Variants in FRG2C observed in about 807,000 individuals in gnomAD.
The protein encoded by FRG2C is FSHD region gene 2 family member C, also known as protein FRG2-like-2.
Under a neutral mutation model 14.1 loss-of-function variants are expected in FRG2C, and 8 were observed. That is an observed-to-expected ratio of 0.57 (90% CI 0.33 to 1.02). The LOEUF (loss-of-function observed/expected upper bound fraction) is 1.02, where lower values mean the gene tolerates loss of function less well. FRG2C is among the 50% of genes least tolerant of loss of function. The probability of loss-of-function intolerance (pLI) is 0.03; values close to 1 mark genes in which losing one functional copy is unlikely to be tolerated. For missense variants in FRG2C, 214 were observed against 334.2 expected, an observed-to-expected ratio of 0.64 and a Z score of 2.80; for synonymous variants, 92 against 127.4, an observed-to-expected ratio of 0.72 and a Z score of 1.87.
Position 75,664,365 on chromosome 3 carries a change from C to T in FRG2C, c.-15C>T. 6.2e-7 allele frequency: 1 copy of T among 1,612,140 alleles called. No individual in the cohort carries two copies. Among genetic ancestry groups the T allele is most frequent in the South Asian group, 1.1e-5 (1 of 90,998 alleles). On this transcript the variant is annotated 5_prime_UTR_variant, in exon 1 of 4. Transcript: ENST00000308062. ...TGGACATGTGAGAGAGCGCACCTTT[C>T]ACTTGAGCTTCAACATGGGAAAGGG... is the stretch of plus-strand genomic sequence containing the variant.
At position 75,665,705 on chromosome 3, in the gene FRG2C, AC is replaced by A. The variant is rs1937074523; in HGVS notation, c.514del (p.Leu172PhefsTer6). 1.2e-6 allele frequency: 2 copies of A among 1,614,090 alleles called. No homozygotes were observed. Among genetic ancestry groups the A allele is most frequent in the Non-Finnish European group, 1.7e-6 (2 of 1,179,888 alleles). ...SRALEVQTPS[L>X]RKSLVTSVRA... ...GGGCCCTAGAAGTCCAAACACCGTC[AC>A]TTCGAAAAAGCTTGGTGACCTCTGT... On this transcript the variant is annotated frameshift_variant, in exon 4 of 4. Transcript: ENST00000308062. LOFTEE classifies it low-confidence loss of function (END_TRUNC).
At position 75,666,005 on chromosome 3, in the gene FRG2C, C is replaced by T. The variant is rs1937089865; in HGVS notation, c.813C>T (p.Val271=). ...PFPGQEITEP[V]SGSDEAKLGA... is the part of the protein sequence containing the mutation. ...CTGGGCAGGAGATAACTGAGCCTGTCAGTGGATCAGATGAGGCTAAGCTGG... is the reference window on the plus strand; with the variant it reads ...CTGGGCAGGAGATAACTGAGCCTGTTAGTGGATCAGATGAGGCTAAGCTGG... Residue 271 remains valine (V), a synonymous_variant, in exon 4 of 4, where the codon GTC becomes GTT. Coordinates refer to ENST00000308062, the MANE Select transcript of FRG2C (RefSeq NM_001124759.5). 6 of 1,612,270 alleles carry T rather than the reference C, an allele frequency of 3.7e-6. No homozygotes were observed. The highest frequency in any genetic ancestry group is 4.2e-6 in the Non-Finnish European group (5 of 1,179,860).
At position 75,666,393 on chromosome 3, in the gene FRG2C, T is replaced by A. The variant is rs34062195; in HGVS notation, c.*352T>A. On this transcript the variant is annotated 3_prime_UTR_variant, in exon 4 of 4. Transcript: ENST00000308062. ...TAAATATAAAATTATATGCTCTTTT[T>A]TTTTTTGAGACAGTCTTGCTATGTC... 1 of 466,766 alleles carries A rather than the reference T, an allele frequency of 2.1e-6. No individual in the cohort carries two copies. Among genetic ancestry groups the A allele is most frequent in the Non-Finnish European group, 3.7e-6 (1 of 268,530 alleles). 28.9% of individuals were successfully genotyped at this position (466,766 alleles called of 1,614,324 possible). A position where few individuals can be genotyped will look rare whatever the true frequency, so the allele number is the denominator to read the frequency against.
chr3:75,665,450 C>G lies in FRG2C; in HGVS notation c.335-77C>G, dbSNP rs1264163392. The G allele has an allele frequency of 5.1e-6, 8 of 1,557,056 alleles. No homozygotes were observed. In the African/African-American group the frequency reaches 6.8e-5, roughly 13 times the overall value. ...AGTGGGAGAGACAAATGGGGTTCAC[C>G]TGGGTGCACAGGGGGTTCTGGAAAT... On this transcript the variant is annotated intron_variant, in intron 3 of 3. Coordinates refer to ENST00000308062, the MANE Select transcript of FRG2C (RefSeq NM_001124759.5).
At chr3:75,665,380 G>A (rs1200727195) in intron 3 of FRG2C, 147 bp from the exon 4 acceptor site, 14 of 1,442,810 alleles carry the variant, frequency 9.7e-6, no homozygotes, top group African/African-American at 1.4e-5. Flanking sequence ...GGACTCACAA[G>A]TGGTTCAGCC....
rs1575740171 is a variant in FRG2C, at chr3:75,665,181, G to A, written c.312G>A (p.Lys104=). ...ENCRKRKISS[K]DICQDRAGNC... ...GCAGGAAAAGAAAAATCAGTTCCAA[G>A]GATATCTGCCAAGACAGAGCAGGTA... The change falls in exon 3 of 4, where the codon AAG becomes AAA. Residue 104 remains lysine, a synonymous_variant. Coordinates refer to ENST00000308062, the MANE Select transcript of FRG2C (RefSeq NM_001124759.5). 2 of 1,614,050 alleles carry A rather than the reference G, an allele frequency of 1.2e-6. No homozygotes were observed. Among genetic ancestry groups the A allele is most frequent in the African/African-American group, 1.3e-5 (1 of 74,966 alleles).
In FRG2C at chr3:75,666,141, G is replaced by C. The variant is rs1937096679; in HGVS notation, c.*100G>C. The C allele has an allele frequency of 6.3e-7, 1 of 1,582,406 alleles. No individual in the cohort carries two copies. The highest frequency in any genetic ancestry group is 8.6e-7 in the Non-Finnish European group (1 of 1,167,360). ...GCAGTGACAATTTTAGATGCACTGT[G>C]TTAATAAATGACAGAACCTGAAGAA... On this transcript the variant is annotated 3_prime_UTR_variant, in exon 4 of 4. Coordinates refer to ENST00000308062, the MANE Select transcript of FRG2C (RefSeq NM_001124759.5).
At position 75,664,348 on chromosome 3, in the gene FRG2C, T is replaced by A; in HGVS notation, c.-32T>A. The A allele has an allele frequency of 6.2e-7, 1 of 1,612,120 alleles. No individual in the cohort carries two copies. The highest frequency in any genetic ancestry group is 8.5e-7 in the Non-Finnish European group (1 of 1,179,882). ...AACCCACACTCTGCCTTTGGACATG[T>A]GAGAGAGCGCACCTTTCACTTGAGC... On this transcript the variant is annotated 5_prime_UTR_variant, in exon 1 of 4. The change abolishes the stop of an existing upstream ORF in the 5' untranslated region. Transcript: ENST00000308062.
rs1937071220 is a variant in FRG2C at position 75,665,651 on chromosome 3, C to A, written c.459C>A (p.Cys153Ter). 1 of 1,613,952 alleles carries A rather than the reference C, an allele frequency of 6.2e-7. No homozygotes were observed. Among genetic ancestry groups the A allele is most frequent in the African/African-American group, 1.3e-5 (1 of 74,958 alleles). ...DAHHRGSSRA[C>*]TGRSKRHRSR... is the part of the protein sequence containing the mutation. ...ACCATAGGGGAAGTTCCAGGGCTTG[C>A]ACTGGGCGCAGCAAGCGGCATAGGT... Residue 153 changes from cysteine to a stop codon, truncating the protein, a stop_gained, in exon 4 of 4, where the codon TGC becomes TGA. Coordinates refer to ENST00000308062, the MANE Select transcript of FRG2C (RefSeq NM_001124759.5). LOFTEE classifies it low-confidence loss of function (END_TRUNC).
In FRG2C at chr3:75,665,221, G is replaced by A; in HGVS notation, c.334+18G>A. ...CAGAGCAGGTAGAATCTTGGTGTTTGTTGTTGTTGGTGGTGGTGGTGGTTT... is the reference window on the plus strand; with the variant it reads ...CAGAGCAGGTAGAATCTTGGTGTTTATTGTTGTTGGTGGTGGTGGTGGTTT... On this transcript the variant is annotated intron_variant, in intron 3 of 3. Transcript: ENST00000308062. 6.2e-7 allele frequency: 1 copy of A among 1,608,918 alleles called. No individual in the cohort carries two copies. Among genetic ancestry groups the A allele is most frequent in the Non-Finnish European group, 8.5e-7 (1 of 1,175,778 alleles).
rs1309484320 is a variant in FRG2C at position 75,667,108 on chromosome 3, G to A, written c.*1067G>A. 2 of 152,310 alleles carry A rather than the reference G, an allele frequency of 1.3e-5. No individual in the cohort carries two copies. The highest frequency in any genetic ancestry group is 2.9e-5 in the Non-Finnish European group (2 of 68,056). 9.4% of individuals were successfully genotyped at this position (152,310 alleles called of 1,614,324 possible). On this transcript the variant is annotated 3_prime_UTR_variant, in exon 4 of 4. Coordinates refer to ENST00000308062, the MANE Select transcript of FRG2C (RefSeq NM_001124759.5). ...ATCTAAGTGTATTAATGACTTGTTTGGTTGCTTTATAATTTTCATTTTATG... is the reference window on the plus strand; with the variant it reads ...ATCTAAGTGTATTAATGACTTGTTTAGTTGCTTTATAATTTTCATTTTATG...
intron 2 of FRG2C, 29 bp from the exon 3 acceptor site, chr3:75,665,097 A>C (rs1202797351): frequency 6.2e-7 from 1 of 1,611,152 alleles, no homozygotes. Context: ...AGTTGGAGGC[A>C]CTTTCTCAAA....
intron 2 of FRG2C, 112 bp from the exon 3 acceptor site, chr3:75,665,014 A>G: frequency 1.9e-6 from 3 of 1,592,228 alleles, no homozygotes; most frequent in Non-Finnish European, 2.6e-6. Context: ...ACTGGAGAAC[A>G]GAAGAGAGCT....
chr3:75,664,933 G>A (rs1423479154), intron 2 of FRG2C, 37 bp downstream of exon 2: 25 of 1,613,982 alleles, frequency 1.5e-5, no homozygotes, highest in Admixed American at 3.3e-5. Flanking sequence ...AAGGGACAGG[G>A]CAGCAACACA....
Position 75,665,749 on chromosome 3 carries a change from C to G in FRG2C, c.557C>G (p.Ala186Gly). The change falls in exon 4 of 4, where the codon GCT becomes GGT. Residue 186 changes from alanine to glycine, a missense_variant. Physicochemically the swap from Ala to Gly is moderately conservative, Grantham distance 60. This residue lies in a region of FRG2C where 55 missense variants were observed against 118.9 expected (regional missense o/e 0.46). Transcript: ENST00000308062. ...ACCTCTGTGCGAGCTATGTCGGAGG[C>G]TGTTTATCAAGACCTAGCCCAGGTG... is the stretch of plus-strand genomic sequence containing the variant. Reference protein sequence around the residue: ...LVTSVRAMSEAVYQDLAQVWA... With the variant: ...LVTSVRAMSEGVYQDLAQVWA... 2 of 1,614,090 alleles carry G rather than the reference C, an allele frequency of 1.2e-6. No homozygotes were observed.
Position 75,665,178 on chromosome 3 carries a change from C to T in FRG2C, c.309C>T (p.Ser103=). 7 of 1,614,146 alleles carry T rather than the reference C, an allele frequency of 4.3e-6. No homozygotes were observed. Among genetic ancestry groups the T allele is most frequent in the Non-Finnish European group, 5.9e-6 (7 of 1,179,902 alleles). Residue 103 remains serine (S), a synonymous_variant, in exon 3 of 4, where the codon TCC becomes TCT. Coordinates refer to ENST00000308062, the MANE Select transcript of FRG2C (RefSeq NM_001124759.5). The part of the protein sequence containing the change: ...QENCRKRKIS[S]KDICQDRAGN... ...ACTGCAGGAAAAGAAAAATCAGTTC[C>T]AAGGATATCTGCCAAGACAGAGCAG...
At chr3:75,664,716 G>C (rs12107205) in intron 1 of FRG2C, 103 bp from the exon 2 acceptor site, 42,500 of 1,605,974 alleles carry the variant, frequency 0.026, 308 homozygotes, top group South Asian at 0.068. Flanking sequence ...CATGACACTG[G>C]CAGAAGAGCT....
chr3:75,664,811 T>C lies in FRG2C; in HGVS notation c.179-8T>C, dbSNP rs1937041642. 3 of 1,614,166 alleles carry C rather than the reference T, an allele frequency of 1.9e-6. No individual in the cohort carries two copies. Among genetic ancestry groups the C allele is most frequent in the African/African-American group, 2.7e-5 (2 of 75,044 alleles). On this transcript the variant is annotated splice_region_variant and splice_polypyrimidine_tract_variant and intron_variant, in intron 1 of 3. Transcript: ENST00000308062. Reference sequence around the variant, plus strand: ...GGAGAGGTGAGCCATCTAAACCTTCTCTTGCAGCAGGATCAGATCCCAATC... The same window carrying C: ...GGAGAGGTGAGCCATCTAAACCTTCCCTTGCAGCAGGATCAGATCCCAATC...
Position 75,665,133 on chromosome 3 carries a change from G to C in FRG2C, c.264G>C (p.Glu88Asp). The change falls in exon 3 of 4, where the codon GAG becomes GAC. Residue 88 changes from glutamate to aspartate, a missense_variant. Coordinates refer to ENST00000308062, the MANE Select transcript of FRG2C (RefSeq NM_001124759.5). ...CTCTCATTGTGTTCACAGAACCAGA[G>C]TCCAGCTCATATCAGGAAAACTGCA... ...AGNSTAGSEP[E>D]SSSYQENCRK... 6.2e-7 allele frequency: 1 copy of C among 1,614,012 alleles called. No homozygotes were observed. Among genetic ancestry groups the C allele is most frequent in the Non-Finnish European group, 8.5e-7 (1 of 1,179,794 alleles).
Sources: allele counts gnomAD v4.1 joint callset, GRCh38; gene constraint gnomAD v4.1.1; regional missense constraint gnomAD v4.1.1; transcripts MANE v1.5; gene names NCBI Gene and HGNC (gene_info 2026-07-23, HGNC 2026-07-21).